The following DST variants were observed in gnomAD, a reference collection of about 807,000 sequenced individuals.
DST encodes the protein bullous pemphigoid antigen.
Under a neutral mutation model 875.2 loss-of-function variants are expected in DST, and 253 were observed. The ratio of observed to expected loss-of-function variants is 0.29; its 90% CI spans 0.26 to 0.32. The LOEUF (loss-of-function observed/expected upper bound fraction) is 0.32, where lower values mean the gene tolerates loss of function less well. DST is among the 10% of genes least tolerant of loss of function. DST has a pLI of 1.00. For missense variants in DST, 8,287 were observed against 9,111.6 expected (o/e 0.91, Z 3.68); for synonymous variants, 3,124 against 3,197.1 (o/e 0.98, Z 0.77).
At chr6:56,536,341 C>A (rs1169410676) in intron 62 of DST, among the ~76,000 whole-genome samples, 3 of 152,178 alleles carry the variant, frequency 2.0e-5, no homozygotes, top group African/African-American at 7.2e-5. Flanking sequence ...ATGGTGTGAA[C>A]TTAGTTGCTA....
intron 16 of DST, 78 bp from the exon 17 acceptor site, chr6:56,642,179 G>C: frequency 8.1e-7 from 1 of 1,230,046 alleles, no homozygotes; most frequent in South Asian, 1.3e-5. Flanking sequence ...ATCAAATATT[G>C]GAACAGAAGC....
At chr6:56,740,969 T>C (rs1445025114) in intron 4 of DST, among the ~76,000 whole-genome samples, 4 of 152,062 alleles carry the variant, frequency 2.6e-5, no homozygotes, top group Non-Finnish European at 5.9e-5. Context: ...AGTCACAAAA[T>C]AAATTTAATC....
intron 9 of DST, among the ~76,000 whole-genome samples, chr6:56,675,519 T>C (rs574286295): frequency 8.5e-5 from 13 of 152,150 alleles, no homozygotes; most frequent in Non-Finnish European, 1.5e-4. Context: ...CGAGTTAATA[T>C]CCAAAATATA....
intron 3 of DST, among the ~76,000 whole-genome samples, chr6:56,868,464 T>C (rs1167350993): frequency 6.6e-6 from 1 of 152,236 alleles, no homozygotes; most frequent in African/African-American, 2.4e-5. Context: ...TACCCTGAAC[T>C]AAGTTTAAAT....
intron 78 of DST, 22 bp from the exon 79 acceptor site, chr6:56,501,715 A>G (rs771749312): frequency 1.9e-5 from 29 of 1,523,272 alleles, no homozygotes; most frequent in Non-Finnish European, 2.2e-5. Flanking sequence ...GAGATATACA[A>G]AGAAAATATT....
chr6:56,619,717 T>C (rs759458901), intron 36 of DST: 1 of 1,614,152 alleles, frequency 6.2e-7, no homozygotes, highest in East Asian at 2.2e-5. Flanking sequence ...TACCAAGCTC[T>C]CTGAGTTGTT....
At chr6:56,857,655 CAG>C (rs1346064053) in intron 3 of DST, among the ~76,000 whole-genome samples, 1 of 152,136 alleles carries the variant, frequency 6.6e-6, no homozygotes, top group Non-Finnish European at 1.5e-5. Context: ...TAAACAAAAA[CAG>C]AAAATTTTTT....
Position 56,600,082 on chromosome 6 carries a change from T to C in DST, c.11681A>G (p.Gln3894Arg). The change falls in exon 45 of 104, where the codon CAG (glutamine) becomes CGG (arginine). Residue 3894 changes from glutamine (Q) to arginine (R), a missense_variant. Gln to Arg is a conservative substitution (Grantham distance 43). Around this residue, in one of 10 missense-constraint regions of DST, gnomAD observed 3,138 missense variants for 3,116.6 expected, o/e 1.01. Coordinates refer to ENST00000680361, the MANE Select transcript of DST (RefSeq NM_001374736.1). ...GDGTVELKKY[Q>R]SKQEELQKDM... Reference sequence around the variant, plus strand: ...ACCAAATTCTACCTCTTGCTTGGACTGATATTTCTTTAACTCAACTGTGCC... The same window carrying C: ...ACCAAATTCTACCTCTTGCTTGGACCGATATTTCTTTAACTCAACTGTGCC... 1.2e-6 allele frequency: 2 copies of C among 1,612,368 alleles called. No homozygotes were observed. Among genetic ancestry groups the C allele is most frequent in the Non-Finnish European group, 1.7e-6 (2 of 1,178,938 alleles).
intron 4 of DST, among the ~76,000 whole-genome samples, chr6:56,774,152 A>T (rs2152981400): frequency 6.6e-6 from 1 of 150,620 alleles, no homozygotes; most frequent in East Asian, 1.9e-4. Context: ...TCAGATCTTG[A>T]TTCCCCTGCT....
At chr6:56,676,352 G>A (rs551254389) in intron 9 of DST, among the ~76,000 whole-genome samples, 1 of 152,340 alleles carries the variant, frequency 6.6e-6, no homozygotes, top group East Asian at 1.9e-4. Flanking sequence ...ACAGGCGTGA[G>A]CCACTGCACC....
intron 75 of DST, among the ~76,000 whole-genome samples, chr6:56,507,862 G>T (rs2096372413): frequency 6.6e-6 from 1 of 152,162 alleles, no homozygotes. Flanking sequence ...CAGCAACACA[G>T]TAAGAGCAGA....
Position 56,634,501 on chromosome 6 carries a change from A to G in DST, c.3455T>C (p.Val1152Ala), listed in dbSNP as rs757220423. 1.2e-6 allele frequency: 2 copies of G among 1,614,184 alleles called. No individual in the cohort carries two copies. Among genetic ancestry groups the G allele is most frequent in the East Asian group, 4.5e-5 (2 of 44,882 alleles). ...EAMVPSVCFT[V>A]PPPNKEAVDL... ...CACCGCTTCTTTGTTTGGTGGAGGA[A>G]CGGTGAAGCACACAGATGGGACCAT... Residue 1152 changes from valine (V) to alanine (A), a missense_variant, in exon 26 of 104, where the codon GTT becomes GCT. Val to Ala is a moderately conservative substitution (Grantham distance 64). Around this residue, in one of 10 missense-constraint regions of DST, gnomAD observed 1,160 missense variants for 1,424.3 expected, o/e 0.81. Transcript: ENST00000680361.
intron 69 of DST, among the ~76,000 whole-genome samples, chr6:56,524,226 C>CA (rs1295322572): frequency 6.6e-6 from 1 of 151,910 alleles, no homozygotes; most frequent in African/African-American, 2.4e-5. Flanking sequence ...CTTTTAAGTG[C>CA]AAAATCTCTG....
intron 10 of DST, among the ~76,000 whole-genome samples, chr6:56,657,608 G>C (rs1440001416): frequency 1.3e-5 from 2 of 152,196 alleles, no homozygotes; most frequent in East Asian, 3.9e-4. Context: ...AGAGTTTCAC[G>C]GGTACACAGC....
intron 51 of DST, 145 bp downstream of exon 51, chr6:56,573,534 G>A: frequency 1.6e-6 from 1 of 640,754 alleles, no homozygotes; most frequent in Non-Finnish European, 2.7e-6. Flanking sequence ...ACTTGATTTT[G>A]TGCAAGCATT....
chr6:56,496,474 G>T (rs1311921707), intron 82 of DST, among the ~76,000 whole-genome samples: 1 of 146,144 alleles, frequency 6.8e-6, no homozygotes, highest in Non-Finnish European at 1.5e-5. Flanking sequence ...AAACAAGGAA[G>T]TTTTTTTTTT....
intron 36 of DST, chr6:56,620,831 C>A: frequency 1.1e-6 from 1 of 910,296 alleles, no homozygotes; most frequent in Non-Finnish European, 1.8e-6. Context: ...GCAGAACAAG[C>A]GCTATCACCA....
At chr6:56,650,905 T>C (rs749963360) in intron 12 of DST, 21 bp downstream of exon 12, 1 of 1,474,606 alleles carries the variant, frequency 6.8e-7, no homozygotes, top group Non-Finnish European at 9.4e-7. Flanking sequence ...CAGCTTCCGG[T>C]GTGGAAAAAT....
intron 36 of DST, chr6:56,618,906 G>T: frequency 6.2e-7 from 1 of 1,614,060 alleles, no homozygotes; most frequent in Non-Finnish European, 8.5e-7. Flanking sequence ...TTTAACTCTT[G>T]CACCTGAGCT....
Sources: allele counts gnomAD v4.1 joint callset (sites outside exome capture counted in the v4.1 genomes callset), GRCh38; gene constraint gnomAD v4.1.1; regional missense constraint gnomAD v4.1.1; transcripts MANE v1.5; gene names NCBI Gene and HGNC (gene_info 2026-07-23, HGNC 2026-07-21).